Variants in STK3 observed in about 807,000 individuals in gnomAD.
STK3 encodes serine/threonine-protein kinase 3.
Under a neutral mutation model 58.0 loss-of-function variants are expected in STK3, and 41 were observed. The ratio of observed to expected loss-of-function variants is 0.71; its 90% CI spans 0.55 to 0.92. STK3 has a LOEUF of 0.92. STK3 is among the 40% of genes least tolerant of loss of function. STK3 has a pLI of 0.00. For missense variants in STK3, 479 were observed against 602.7 expected, an observed-to-expected ratio of 0.79 and a Z score of 2.15; for synonymous variants, 170 against 191.0, an observed-to-expected ratio of 0.89 and a Z score of 0.91.
At chr8:98,399,383 C>T (rs1817923196), downstream of STK3, among the ~76,000 whole-genome samples, 1 of 152,222 alleles carries the variant, frequency 6.6e-6, no homozygotes, top group Admixed American at 6.5e-5. Flanking sequence ...GGGCTGCCTG[C>T]TGATCCATAA....
chr8:98,650,935 C>G (rs982747261), intron 6 of STK3, among the ~76,000 whole-genome samples: 1 of 152,222 alleles, frequency 6.6e-6, no homozygotes, highest in Non-Finnish European at 1.5e-5. Context: ...AAAAAGACAG[C>G]AGTAACCTCT....
chr8:98,552,052 T>C (rs1351051714), intron 8 of STK3, among the ~76,000 whole-genome samples: 2 of 152,108 alleles, frequency 1.3e-5, no homozygotes, highest in South Asian at 2.1e-4. Flanking sequence ...TATTCTACTA[T>C]ATACATGTAC....
At chr8:98,596,363 C>T in intron 6 of STK3, 194 bp from the exon 7 acceptor site, 2 of 542,174 alleles carry the variant, frequency 3.7e-6, no homozygotes, top group Non-Finnish European at 6.2e-6. Flanking sequence ...CATTAAATTT[C>T]CTCTATTTGA....
intron 1 of STK3, among the ~76,000 whole-genome samples, chr8:98,903,889 C>A (rs780097903): frequency 6.6e-6 from 1 of 152,096 alleles, no homozygotes. Context: ...TTCCTATCAG[C>A]CTAAAGAAAT....
At chr8:98,731,122 T>TA (rs1828163939) in intron 4 of STK3, among the ~76,000 whole-genome samples, 2 of 151,998 alleles carry the variant, frequency 1.3e-5, no homozygotes, top group Non-Finnish European at 1.5e-5. Flanking sequence ...GCATATAGAG[T>TA]ATATATAAGG....
intron 3 of STK3, among the ~76,000 whole-genome samples, chr8:98,839,656 T>C (rs1301654306): frequency 6.6e-6 from 1 of 152,150 alleles, no homozygotes; most frequent in African/African-American, 2.4e-5. Flanking sequence ...AAAGTGATTA[T>C]TTTACAAAAA....
chr8:98,939,061 C>G (rs1334245067), intron 1 of STK3, among the ~76,000 whole-genome samples: 1 of 152,094 alleles, frequency 6.6e-6, no homozygotes, highest in Non-Finnish European at 1.5e-5. Context: ...AGCCTTGTTC[C>G]CCTAGGTATC....
chr8:98,477,072 C>T (rs566647672), intron 10 of STK3, among the ~76,000 whole-genome samples: 4 of 152,254 alleles, frequency 2.6e-5, no homozygotes, highest in South Asian at 2.1e-4. Flanking sequence ...AAGCTGAGAC[C>T]GAGGAAAATC....
At chr8:98,621,597 T>A (rs1365672854) in intron 6 of STK3, among the ~76,000 whole-genome samples, 1 of 152,186 alleles carries the variant, frequency 6.6e-6, no homozygotes, top group Non-Finnish European at 1.5e-5. Context: ...CTGAGATCAT[T>A]CAATACCGTA....
intron 10 of STK3, among the ~76,000 whole-genome samples, chr8:98,478,003 G>C (rs1028736343): frequency 2.0e-5 from 3 of 152,124 alleles, no homozygotes; most frequent in African/African-American, 4.8e-5. Context: ...CTTGAGCATA[G>C]AGAGGTATAG....
chr8:98,801,429 T>C (rs1358146334), intron 1 of STK3, among the ~76,000 whole-genome samples: 1 of 152,144 alleles, frequency 6.6e-6, no homozygotes, highest in Non-Finnish European at 1.5e-5. Flanking sequence ...GCAATAAATG[T>C]TATTGCTGCT....
chr8:98,705,019 G>A (rs1825869782), intron 6 of STK3, among the ~76,000 whole-genome samples: 1 of 152,154 alleles, frequency 6.6e-6, no homozygotes, highest in Non-Finnish European at 1.5e-5. Flanking sequence ...TTTTTATGCT[G>A]ACCTTGTTGT....
In STK3 at chr8:98,850,974, A is replaced by G. The variant is rs115415591; in HGVS notation, c.110+32673T>C. On this transcript the variant is annotated intron_variant, in intron 3 of 12. Coordinates refer to the STK3 transcript ENST00000523601. ...AAAGTGTGGCAGGTGTGTAACCTTC[A>G]CATGCCCAGCTCCTTCTTGTGATTA... 4.2e-3 allele frequency among the ~76,000 whole-genome samples: 634 copies of G among 152,248 alleles called. 10 individuals are homozygous for G. Among genetic ancestry groups the G allele is most frequent in the African/African-American group, 0.015 (608 of 41,556 alleles).
At chr8:98,772,422 G>A (rs1441665239) in intron 2 of STK3, among the ~76,000 whole-genome samples, 1 of 152,102 alleles carries the variant, frequency 6.6e-6, no homozygotes, top group Admixed American at 6.5e-5. Flanking sequence ...TGGCAGGCCG[G>A]GTGCAGTGGC....
chr8:98,399,738 C>A (rs1817925990), downstream of STK3, among the ~76,000 whole-genome samples: 1 of 152,188 alleles, frequency 6.6e-6, no homozygotes, highest in Non-Finnish European at 1.5e-5. Flanking sequence ...CCCTCCATCT[C>A]CAAAAGGAAG....
At chr8:98,641,520 T>C (rs376796529) in intron 6 of STK3, among the ~76,000 whole-genome samples, 253 of 152,338 alleles carry the variant, frequency 1.7e-3, no homozygotes, top group African/African-American at 5.8e-3. Flanking sequence ...AGCACTGTTC[T>C]AGTGCTTAAC....
intron 4 of STK3, among the ~76,000 whole-genome samples, chr8:98,748,924 C>A (rs1829800454): frequency 6.6e-6 from 1 of 151,316 alleles, no homozygotes; most frequent in Admixed American, 6.6e-5. Context: ...ACGTAAATAC[C>A]ATGAATATTA....
At chr8:98,372,959 G>A (rs532807795) in intron 2 of STK3, among the ~76,000 whole-genome samples, 1 of 152,310 alleles carries the variant, frequency 6.6e-6, no homozygotes, top group Non-Finnish European at 1.5e-5. Flanking sequence ...AATATTATCA[G>A]TCTTACTCTG....
intron 1 of STK3, among the ~76,000 whole-genome samples, chr8:98,820,908 G>A (rs1451218513): frequency 1.3e-5 from 2 of 152,192 alleles, no homozygotes; most frequent in Non-Finnish European, 2.9e-5. Context: ...AACCTGGGAG[G>A]CGGAGCTCGC....
Sources: gnomAD v4.1 joint callset for allele counts (sites outside exome capture counted in the v4.1 genomes callset) on GRCh38, gnomAD v4.1.1 for gene constraint, MANE v1.5 for transcripts, NCBI Gene and HGNC (gene_info 2026-07-23, HGNC 2026-07-21) for gene names.